RBFOX1: variants seen among roughly 807,000 people sequenced by gnomAD.
RBFOX1 encodes RNA binding fox-1 homolog 1.
In RBFOX1, 8 loss-of-function variants were observed where a neutral mutation model predicts 57.7. The ratio of observed to expected loss-of-function variants is 0.14; its 90% CI spans 0.08 to 0.25. RBFOX1 has a LOEUF of 0.25. Ranked by LOEUF, RBFOX1 falls within the 10% of genes least tolerant of loss-of-function variation. The pLI is 1.00. For synonymous variants in RBFOX1, 326 were observed against 222.4 expected, an observed-to-expected ratio of 1.47 and a Z score of -4.15; for missense variants, 611 against 548.5, an observed-to-expected ratio of 1.11 and a Z score of -1.14.
intron 3 of RBFOX1, among the ~76,000 whole-genome samples, chr16:6,812,805 A>G (rs1016630399): frequency 1.3e-5 from 2 of 151,908 alleles, no homozygotes; most frequent in Admixed American, 6.6e-5. Flanking sequence ...CTCCTGTTTT[A>G]CTCCATTAGG....
At chr16:5,943,055 G>C (rs944603350) in intron 4 of RBFOX1, among the ~76,000 whole-genome samples, 8 of 152,280 alleles carry the variant, frequency 5.3e-5, no homozygotes, top group Non-Finnish European at 1.2e-4. Flanking sequence ...CTGTTCTCAA[G>C]CCTTTGTTCC....
intron 9 of RBFOX1, 44 bp downstream of exon 9, chr16:7,597,475 G>T: frequency 1.4e-6 from 2 of 1,477,798 alleles, no homozygotes; most frequent in South Asian, 1.2e-5. Context: ...CTCTACTTCT[G>T]ACTCTTTAAG....
chr16:7,656,553 T>C (rs1439465703), intron 12 of RBFOX1, among the ~76,000 whole-genome samples: 1 of 151,314 alleles, frequency 6.6e-6, no homozygotes, highest in Non-Finnish European at 1.5e-5. Flanking sequence ...GAAAGTAACA[T>C]CATCAGGATT....
At chr16:5,586,111 C>A (rs1000396835) in intron 2 of RBFOX1, among the ~76,000 whole-genome samples, 1 of 152,174 alleles carries the variant, frequency 6.6e-6, no homozygotes. Context: ...GGGACTGATG[C>A]TTCTACAAGC....
intron 13 of RBFOX1, among the ~76,000 whole-genome samples, chr16:7,676,324 A>G (rs955728638): frequency 5.3e-5 from 8 of 152,250 alleles, no homozygotes; most frequent in Non-Finnish European, 5.9e-5. Flanking sequence ...TTTAATAAAT[A>G]TAAAAGACAG....
chr16:6,058,098 G>C (rs1302049961), intron 1 of RBFOX1, among the ~76,000 whole-genome samples: 4 of 152,110 alleles, frequency 2.6e-5, no homozygotes, highest in African/African-American at 7.2e-5. Flanking sequence ...CTTGTGAAAA[G>C]GGTTTTTATT....
In RBFOX1 at chr16:6,178,912, A is replaced by G. The variant is rs2097038019; in HGVS notation, c.-126-138083A>G. On this transcript the variant is annotated intron_variant, in intron 1 of 15. Transcript: ENST00000550418. ...CTCCCATAGCTGAATACTCTCATAT[A>G]AGGAAGACAAAAGCAACAACAAATT... is the stretch of plus-strand genomic sequence containing the variant. Among the ~76,000 whole-genome samples, 2 of 152,196 alleles carry G rather than the reference A, an allele frequency of 1.3e-5. 1 individual carries two copies. The highest frequency in any genetic ancestry group is 4.1e-4 in the South Asian group (2 of 4,834).
At chr16:6,104,736 A>G (rs979969797) in intron 1 of RBFOX1, among the ~76,000 whole-genome samples, 9 of 152,220 alleles carry the variant, frequency 5.9e-5, no homozygotes, top group African/African-American at 2.2e-4. Flanking sequence ...ACAAACAAAG[A>G]GATAAAACAA....
Position 5,985,823 on chromosome 16 carries a change from G to T in RBFOX1, c.351+118488G>T, listed in dbSNP as rs181413308. Among the ~76,000 whole-genome samples the T allele has an allele frequency of 4.6e-5, 7 of 152,268 alleles. No homozygotes were observed. The South Asian group carries it at 6.2e-4, about 14-fold the overall frequency. On this transcript the variant is annotated intron_variant, in intron 4 of 19. Transcript: ENST00000641259. The stretch of plus-strand genomic sequence containing the variant: ...GAAACATCTGGCTGCCTCTGGGGGC[G>T]CACAGAAAGGCCAGGTGCTCTACAA...
At chr16:7,618,572 A>C (rs2058827564) in intron 10 of RBFOX1, among the ~76,000 whole-genome samples, 1 of 152,124 alleles carries the variant, frequency 6.6e-6, no homozygotes. Context: ...TTAGATTATA[A>C]ACTCTTTAGT....
intron 2 of RBFOX1, among the ~76,000 whole-genome samples, chr16:6,407,632 A>G (rs1159180961): frequency 6.6e-6 from 1 of 151,064 alleles, no homozygotes; most frequent in Non-Finnish European, 1.5e-5. Context: ...CAGAGCCATA[A>G]TCAAGGCAGC....
At chr16:7,079,985 T>C (rs558059383) in intron 4 of RBFOX1, among the ~76,000 whole-genome samples, 30 of 149,306 alleles carry the variant, frequency 2.0e-4, no homozygotes, top group Non-Finnish European at 3.8e-4. Flanking sequence ...TTAGTTAAAA[T>C]ATTAAATTCA....
chr16:5,975,347 G>C (rs2060040521), intron 4 of RBFOX1, among the ~76,000 whole-genome samples: 1 of 152,198 alleles, frequency 6.6e-6, no homozygotes, highest in African/African-American at 2.4e-5. Flanking sequence ...TATCATTAGA[G>C]CAATAGCTGC....
chr16:6,483,084 G>A (rs2095399086), intron 2 of RBFOX1: 16 of 981,520 alleles, frequency 1.6e-5, no homozygotes, highest in Non-Finnish European at 1.9e-5. Flanking sequence ...AAGTGCCTCC[G>A]ACCCGTAGGG....
intron 4 of RBFOX1, among the ~76,000 whole-genome samples, chr16:7,130,032 A>ATTTT (rs58634498): frequency 1.1e-3 from 142 of 133,386 alleles, no homozygotes; most frequent in African/African-American, 3.9e-3. Flanking sequence ...ATTTTTGAAG[A>ATTTT]TTTTTTTTTT....
intron 3 of RBFOX1, among the ~76,000 whole-genome samples, chr16:5,753,529 C>G (rs923928391): frequency 2.0e-5 from 3 of 152,190 alleles, no homozygotes; most frequent in African/African-American, 4.8e-5. Context: ...TAAGAGCTGT[C>G]TATAGGACCT....
intron 3 of RBFOX1, among the ~76,000 whole-genome samples, chr16:5,619,754 G>A (rs1253890449): frequency 6.6e-6 from 1 of 152,124 alleles, no homozygotes; most frequent in African/African-American, 2.4e-5. Flanking sequence ...TGAGTAAGCT[G>A]CTTCCCTTCT....
intron 4 of RBFOX1, among the ~76,000 whole-genome samples, chr16:7,057,076 G>A (rs946393156): frequency 2.0e-5 from 3 of 149,808 alleles, no homozygotes; most frequent in Non-Finnish European, 4.4e-5. Context: ...GTGAGCTACT[G>A]TTAATACAGT....
intron 2 of RBFOX1, among the ~76,000 whole-genome samples, chr16:6,436,350 C>T (rs1050940841): frequency 6.6e-6 from 1 of 152,122 alleles, no homozygotes; most frequent in East Asian, 1.9e-4. Flanking sequence ...CACCAATAGC[C>T]ATAAGCACAT....
Sources: gnomAD v4.1 joint callset for allele counts (sites outside exome capture counted in the v4.1 genomes callset) on GRCh38, gnomAD v4.1.1 for gene constraint, MANE v1.5 for transcripts, NCBI Gene and HGNC (gene_info 2026-07-23, HGNC 2026-07-21) for gene names.